L3MBTL1: variants seen among roughly 807,000 people sequenced by gnomAD.
L3MBTL1 encodes the protein lethal(3)malignant brain tumor-like protein 1.
Under a neutral mutation model 105.3 loss-of-function variants are expected in L3MBTL1, and 75 were observed. That is an observed-to-expected ratio of 0.71 (90% CI 0.59 to 0.86). The LOEUF is 0.86. L3MBTL1 is among the 40% of genes least tolerant of loss of function. The probability of loss-of-function intolerance (pLI) is 0.00; values close to 1 mark genes in which losing one functional copy is unlikely to be tolerated. For missense variants in L3MBTL1, 1,069 were observed against 1,126.4 expected (o/e 0.95, Z 0.73); for synonymous variants, 452 against 436.2 (o/e 1.04, Z -0.45).
chr20:43,548,000 A>C (rs1311606652), intron 18 of L3MBTL1: 41 of 508,212 alleles, frequency 8.1e-5, no homozygotes, highest in South Asian at 1.6e-4. Flanking sequence ...CATATCCTTT[A>C]CTCCTACTCC....
At chr20:43,548,262 C>G (rs1224541908) in exon 19 of L3MBTL1, 3 of 1,301,486 alleles carry the variant, frequency 2.3e-6, no homozygotes, top group African/African-American at 1.5e-5. Context: ...CAGGGCTGGG[C>G]CCTCCTGCAG....
At position 43,540,211 on chromosome 20, in the gene L3MBTL1, AC is replaced by A; in HGVS notation, c.2236del (p.Arg746AlafsTer17). 1 of 1,613,504 alleles carries A rather than the reference AC, an allele frequency of 6.2e-7. No individual in the cohort carries two copies. Among genetic ancestry groups the A allele is most frequent in the South Asian group, 1.1e-5 (1 of 91,052 alleles). On this transcript the variant is annotated frameshift_variant, in exon 20 of 22. Coordinates refer to ENST00000418998, the MANE Select transcript of L3MBTL1 (RefSeq NM_001377303.1). LOFTEE classifies it high-confidence loss of function. Reference protein sequence around the residue: ...LFMSALSAHPDRSLSVCWEQH... With the variant: ...LFMSALSAHPXRSLSVCWEQH... The stretch of plus-strand genomic sequence containing the variant: ...ATGTCAGCCCTGTCGGCCCACCCTG[AC>A]CGCTCACTCTCAGTGTGCTGGGAGC...
intron 7 of L3MBTL1, among the ~76,000 whole-genome samples, chr20:43,522,334 G>A (rs1441854412): frequency 2.0e-5 from 3 of 151,786 alleles, no homozygotes; most frequent in Non-Finnish European, 2.9e-5. Context: ...CAGTCTGGGC[G>A]ACAGAGCAAA....
rs1321526106 is a variant in L3MBTL1, at chr20:43,514,754, C to T, written c.480C>T (p.Gly160=). ...ATGGCGGGGCCCCGGCGGGAGATGG[C>T]GAGGCGGGCCCCCAACAGGCGGGTA... The part of the protein sequence containing the change: ...YEDGGAPAGD[G]EAGPQQAEDH... The change falls in exon 4 of 22, where the codon GGC becomes GGT. Residue 160 remains glycine (G), a synonymous_variant. Transcript: ENST00000418998. 4 of 1,558,588 alleles carry T rather than the reference C, an allele frequency of 2.6e-6. No homozygotes were observed. Among genetic ancestry groups the T allele is most frequent in the Admixed American group, 1.9e-5 (1 of 51,362 alleles).
chr20:43,536,284 C>A lies in L3MBTL1; in HGVS notation c.2113C>A (p.His705Asn). Residue 705 changes from histidine (H) to asparagine (N), a missense_variant, in exon 18 of 22, where the codon CAT (histidine) becomes AAT (asparagine). Physicochemically the swap from His to Asn is moderately conservative, Grantham distance 68. Transcript: ENST00000418998. The stretch of plus-strand genomic sequence containing the variant: ...CTTCTCCCCAAGGAAGAAGCCTCGC[C>A]ATCACGGCCGGTATGGAGGCCAGGG... The part of the protein sequence containing the change: ...SGFSPRKKPR[H>N]HGRIGRPPKY... The A allele has an allele frequency of 6.2e-7, 1 of 1,612,814 alleles. No individual in the cohort carries two copies. The highest frequency in any genetic ancestry group is 8.5e-7 in the Non-Finnish European group (1 of 1,179,586).
chr20:43,522,714 C>T (rs1327703534), intron 7 of L3MBTL1, among the ~76,000 whole-genome samples: 8 of 150,992 alleles, frequency 5.3e-5, no homozygotes, highest in African/African-American at 1.7e-4. Context: ...TCAAGCTGTC[C>T]GTCCGCCTTG....
chr20:43,524,373 C>G (rs1254106780), intron 7 of L3MBTL1, among the ~76,000 whole-genome samples: 1 of 151,840 alleles, frequency 6.6e-6, no homozygotes, highest in East Asian at 1.9e-4. Flanking sequence ...TAAGTGCCTC[C>G]TATGTACCAG....
At chr20:43,527,160 A>C (rs1310688701) in intron 7 of L3MBTL1, among the ~76,000 whole-genome samples, 1 of 152,214 alleles carries the variant, frequency 6.6e-6, no homozygotes, top group African/African-American at 2.4e-5. Context: ...TCTGTATTTC[A>C]TAAGGATCTT....
At chr20:43,546,253 G>T (rs1978591264), downstream of L3MBTL1, among the ~76,000 whole-genome samples, 1 of 152,250 alleles carries the variant, frequency 6.6e-6, no homozygotes, top group Non-Finnish European at 1.5e-5. Flanking sequence ...GTGGAGCTAG[G>T]TGTGAGGAGG....
chr20:43,524,080 G>C (rs2018888104), intron 7 of L3MBTL1, among the ~76,000 whole-genome samples: 1 of 151,472 alleles, frequency 6.6e-6, no homozygotes, highest in African/African-American at 2.4e-5. Context: ...TCCTACCTCA[G>C]CCTCCCAGAG....
At chr20:43,525,774 C>A (rs1047813459) in intron 7 of L3MBTL1, among the ~76,000 whole-genome samples, 1 of 152,070 alleles carries the variant, frequency 6.6e-6, no homozygotes, top group Admixed American at 6.5e-5. Context: ...TACTATGAGC[C>A]CTCCCTATCA....
intron 11 of L3MBTL1, 116 bp downstream of exon 11, chr20:43,531,005 T>C: frequency 1.2e-6 from 1 of 823,930 alleles, no homozygotes; most frequent in South Asian, 1.8e-5. Flanking sequence ...CTCAGCTTTG[T>C]TCTGATCTCT....
chr20:43,514,488 C>A, intron 3 of L3MBTL1, 147 bp from the exon 4 acceptor site: 1 of 1,534,198 alleles, frequency 6.5e-7, no homozygotes. Flanking sequence ...GCTGGTGTAG[C>A]TTGGAGTGAG....
At chr20:43,547,969 C>G in intron 18 of L3MBTL1, 2 of 343,606 alleles carry the variant, frequency 5.8e-6, no homozygotes, top group Non-Finnish European at 1.0e-5. Context: ...CTCCCCTTCT[C>G]TCCTCCTTCC....
intron 13 of L3MBTL1, 88 bp downstream of exon 13, chr20:43,533,506 C>A: frequency 8.8e-7 from 1 of 1,132,778 alleles, no homozygotes; most frequent in Non-Finnish European, 1.3e-6. Flanking sequence ...GCCCCAGTAG[C>A]TGGCTCTCTA....
intron 7 of L3MBTL1, among the ~76,000 whole-genome samples, chr20:43,528,166 T>C (rs1040477508): frequency 3.3e-5 from 5 of 152,262 alleles, no homozygotes; most frequent in African/African-American, 1.2e-4. Context: ...GTGCTGGGAT[T>C]ACAGGCGTGA....
At chr20:43,524,903 G>T (rs1361923696) in intron 7 of L3MBTL1, among the ~76,000 whole-genome samples, 13 of 152,098 alleles carry the variant, frequency 8.5e-5, no homozygotes, top group Non-Finnish European at 1.9e-4. Context: ...TGGGGTTTTG[G>T]GTTGGAAATG....
downstream of L3MBTL1, among the ~76,000 whole-genome samples, chr20:43,545,325 A>G (rs1047092060): frequency 5.3e-5 from 8 of 150,960 alleles, no homozygotes; most frequent in Admixed American, 5.3e-4. Flanking sequence ...AGATCATGCC[A>G]CCGTACTCCA....
chr20:43,532,957 G>A (rs567951624), intron 12 of L3MBTL1, 33 bp downstream of exon 12: 12 of 1,612,802 alleles, frequency 7.4e-6, no homozygotes, highest in East Asian at 2.2e-5. Context: ...GCCTCAGGGG[G>A]TGAGGGGATG....
Sources: allele counts gnomAD v4.1 joint callset (sites outside exome capture counted in the v4.1 genomes callset), GRCh38; gene constraint gnomAD v4.1.1; transcripts MANE v1.5; gene names NCBI Gene and HGNC (gene_info 2026-07-23, HGNC 2026-07-21).